ABLIM1: variants seen among roughly 807,000 people sequenced by gnomAD.
ABLIM1 encodes the protein actin binding LIM protein 1, also known as actin-binding LIM protein 1.
In ABLIM1, 40 loss-of-function variants were observed where a neutral mutation model predicts 107.0. That is an observed-to-expected ratio of 0.37 (90% confidence interval 0.29 to 0.49). The LOEUF (loss-of-function observed/expected upper bound fraction) is 0.49, where lower values mean the gene tolerates loss of function less well. Ranked by LOEUF, ABLIM1 falls within the 20% of genes least tolerant of loss-of-function variation. The probability of loss-of-function intolerance (pLI) is 0.97; values close to 1 mark genes in which losing one functional copy is unlikely to be tolerated. For missense variants in ABLIM1, 857 were observed against 1,008.5 expected, an observed-to-expected ratio of 0.85 and a Z score of 2.04; for synonymous variants, 357 against 357.3, an observed-to-expected ratio of 1.00 and a Z score of 0.01.
At chr10:114,624,376 GGT>G (rs1341002976) in intron 1 of ABLIM1, among the ~76,000 whole-genome samples, 1 of 152,194 alleles carries the variant, frequency 6.6e-6, no homozygotes, top group Non-Finnish European at 1.5e-5. Flanking sequence ...TATGCTTCTT[GGT>G]GGGGTGAGTC....
At chr10:114,719,202 A>G (rs756365860) in intron 1 of ABLIM1, among the ~76,000 whole-genome samples, 4 of 152,332 alleles carry the variant, frequency 2.6e-5, no homozygotes, top group Non-Finnish European at 5.9e-5. Flanking sequence ...CTATAGTTTC[A>G]TAAGAGTCTG....
chr10:114,556,931 C>T (rs1488934556), intron 4 of ABLIM1, among the ~76,000 whole-genome samples: 4 of 152,148 alleles, frequency 2.6e-5, no homozygotes, highest in Non-Finnish European at 5.9e-5. Flanking sequence ...TGTGAAACCG[C>T]AAATTTGTTA....
the ABLIM1 span, among the ~76,000 whole-genome samples, chr10:114,789,663 C>T: frequency 6.6e-6 from 1 of 152,154 alleles, no homozygotes; most frequent in Non-Finnish European, 1.5e-5. Flanking sequence ...ATTTACATTG[C>T]TCCAATGATT....
intron 21 of ABLIM1, among the ~76,000 whole-genome samples, chr10:114,438,543 A>C (rs1029188856): frequency 6.6e-6 from 1 of 152,210 alleles, no homozygotes; most frequent in African/African-American, 2.4e-5. Flanking sequence ...TTACAGGCGT[A>C]AGCCACTGTG....
At chr10:114,483,418 C>T (rs998624896) in intron 8 of ABLIM1, among the ~76,000 whole-genome samples, 9 of 152,058 alleles carry the variant, frequency 5.9e-5, no homozygotes, top group East Asian at 1.9e-4. Context: ...AATACAGGCA[C>T]GCACCACCAT....
intron 2 of ABLIM1, 87 bp from the exon 3 acceptor site, chr10:114,575,686 C>A: frequency 2.2e-6 from 2 of 897,704 alleles, no homozygotes; most frequent in Non-Finnish European, 2.9e-6. Flanking sequence ...TGGTTGCTCA[C>A]CCTGTGATCT....
chr10:114,611,151 C>CAA (rs71007482), intron 1 of ABLIM1, among the ~76,000 whole-genome samples: 142 of 135,526 alleles, frequency 1.0e-3, no homozygotes, highest in African/African-American at 2.6e-3. Context: ...GACTCCATCT[C>CAA]AAAAAAAAAA....
At chr10:114,665,311 G>T (rs2079981317) in intron 1 of ABLIM1, among the ~76,000 whole-genome samples, 2 of 152,182 alleles carry the variant, frequency 1.3e-5, no homozygotes, top group African/African-American at 4.8e-5. Flanking sequence ...GAGCATGACA[G>T]GGAAAGATTA....
intron 2 of ABLIM1, among the ~76,000 whole-genome samples, chr10:114,584,459 A>T (rs150763150): frequency 6.6e-6 from 1 of 152,290 alleles, no homozygotes; most frequent in Non-Finnish European, 1.5e-5. Flanking sequence ...ACAGTATGGG[A>T]TCTGAGTTAA....
At chr10:114,530,214 C>A (rs1488246846) in intron 6 of ABLIM1, among the ~76,000 whole-genome samples, 1 of 152,166 alleles carries the variant, frequency 6.6e-6, no homozygotes, top group Non-Finnish European at 1.5e-5. Context: ...AAAGCTGCTA[C>A]TAATCACAGG....
chr10:114,624,589 T>C (rs1364857101), intron 1 of ABLIM1, among the ~76,000 whole-genome samples: 1 of 152,158 alleles, frequency 6.6e-6, no homozygotes, highest in African/African-American at 2.4e-5. Context: ...ATGCCCACTG[T>C]CTACATATTC....
chr10:114,527,840 G>GTTT (rs34890028), intron 6 of ABLIM1, among the ~76,000 whole-genome samples: 29 of 138,496 alleles, frequency 2.1e-4, no homozygotes, highest in Non-Finnish European at 2.9e-4. Context: ...AATTTTTAAA[G>GTTT]TTTTTTTTTT....
Position 114,651,920 on chromosome 10 carries a change from T to G in ABLIM1, c.244+6037A>C, listed in dbSNP as rs72831052. The stretch of plus-strand genomic sequence containing the variant: ...GGAGGAACAGGAGGCCACAACACAG[T>G]GTGTCTCCTTGCCAGCAGCAGATGC... On this transcript the variant is annotated intron_variant, in intron 1 of 22. Transcript: ENST00000533213. Among the ~76,000 whole-genome samples, 1,321 of 152,112 alleles carry G rather than the reference T, an allele frequency of 8.7e-3. 14 individuals are homozygous for G. The highest frequency in any genetic ancestry group is 0.011 in the Non-Finnish European group (742 of 68,016).
intron 4 of ABLIM1, among the ~76,000 whole-genome samples, chr10:114,571,013 G>C (rs192543564): frequency 6.6e-6 from 1 of 152,050 alleles, no homozygotes; most frequent in African/African-American, 2.4e-5. Flanking sequence ...CCACACCTAG[G>C]CTGATGCTCG....
intron 1 of ABLIM1, among the ~76,000 whole-genome samples, chr10:114,616,725 T>G (rs564342699): frequency 6.6e-6 from 1 of 152,328 alleles, no homozygotes; most frequent in South Asian, 2.1e-4. Flanking sequence ...AAACTCCATC[T>G]CATTGGACAC....
intron 1 of ABLIM1, among the ~76,000 whole-genome samples, chr10:114,630,130 G>A (rs11196815): frequency 0.08 from 12,177 of 152,230 alleles, 919 homozygotes; most frequent in East Asian, 0.43. Flanking sequence ...GAGCTGCTAT[G>A]TGAGGACTAC....
the ABLIM1 span, among the ~76,000 whole-genome samples, chr10:114,789,033 G>T: frequency 6.6e-6 from 1 of 152,042 alleles, no homozygotes; most frequent in African/African-American, 2.4e-5. Flanking sequence ...GAGGTGGGCG[G>T]ATCACGAGGT....
At chr10:114,734,796 T>C (rs2082146175) in intron 1 of ABLIM1, among the ~76,000 whole-genome samples, 1 of 152,216 alleles carries the variant, frequency 6.6e-6, no homozygotes, top group South Asian at 2.1e-4. Flanking sequence ...TGGGTTTCTT[T>C]GGTATGTATC....
upstream of ABLIM1, chr10:114,658,376 T>G (rs1054642265): frequency 1.6e-5 from 20 of 1,256,912 alleles, no homozygotes; most frequent in Middle Eastern, 8.9e-4. Context: ...GGGCACCATA[T>G]TCTCAGTCAG....
Sources: allele counts gnomAD v4.1 joint callset (sites outside exome capture counted in the v4.1 genomes callset), GRCh38; gene constraint gnomAD v4.1.1; transcripts MANE v1.5; gene names NCBI Gene and HGNC (gene_info 2026-07-23, HGNC 2026-07-21).